The following TNNI3K variants were observed in gnomAD, a reference collection of about 807,000 sequenced individuals.
TNNI3K encodes TNNI3 interacting kinase.
TNNI3K carries 140 observed loss-of-function variants against 114.5 expected under a neutral mutation model. That is an observed-to-expected ratio of 1.22 (90% CI 1.07 to 1.41). The LOEUF (loss-of-function observed/expected upper bound fraction) is 1.41. TNNI3K is among the 40% of genes most tolerant of loss of function. The probability of loss-of-function intolerance (pLI) is 0.00; values close to 1 mark genes in which losing one functional copy is unlikely to be tolerated. For missense variants in TNNI3K, 1,125 were observed against 1,007.6 expected, an observed-to-expected ratio of 1.12 and a Z score of -1.58; for synonymous variants, 347 against 347.5, an observed-to-expected ratio of 1.00 and a Z score of 0.02.
At chr1:74,310,103 C>A (rs1436683845) in intron 5 of TNNI3K, among the ~76,000 whole-genome samples, 1 of 152,128 alleles carries the variant, frequency 6.6e-6, no homozygotes, top group Non-Finnish European at 1.5e-5. Context: ...TAAATGGCTT[C>A]AGTAAAGTTT....
intron 21 of TNNI3K, among the ~76,000 whole-genome samples, chr1:74,479,857 G>A (rs1249497788): frequency 6.6e-6 from 1 of 152,174 alleles, no homozygotes; most frequent in Non-Finnish European, 1.5e-5. Context: ...TTATACACAA[G>A]GAAACTAAAG....
At chr1:74,388,290 A>T (rs1415545245) in intron 17 of TNNI3K, among the ~76,000 whole-genome samples, 1 of 152,030 alleles carries the variant, frequency 6.6e-6, no homozygotes, top group Non-Finnish European at 1.5e-5. Context: ...AAAAAATAAT[A>T]ATAATTTTTT....
rs1032940877 is a variant in TNNI3K at position 74,481,014 on chromosome 1, G to T, written c.2122-8175G>T. Reference sequence around the variant, plus strand: ...ACTAGATGCAGGGTACACATGAGTGGGAGGGAGGGGGTATGGTGGAGAGCA... The same window carrying T: ...ACTAGATGCAGGGTACACATGAGTGTGAGGGAGGGGGTATGGTGGAGAGCA... On this transcript the variant is annotated intron_variant, in intron 21 of 24. Transcript: ENST00000326637. 4.5e-6 allele frequency: 3 copies of T among 661,228 alleles called. No individual in the cohort carries two copies. The African/African-American group carries it at 5.4e-5, about 12-fold the overall frequency. The allele number at this position is 661,228 out of a possible 1,614,324, so 41.0% of individuals were successfully genotyped here.
chr1:74,328,131 C>T (rs1660011433), intron 5 of TNNI3K, among the ~76,000 whole-genome samples: 1 of 151,932 alleles, frequency 6.6e-6, no homozygotes, highest in Admixed American at 6.6e-5. Flanking sequence ...TTTATATTAC[C>T]TTATGCCTGG....
intron 19 of TNNI3K, 137 bp from the exon 20 acceptor site, chr1:74,439,353 G>A (rs930182584): frequency 2.9e-6 from 4 of 1,374,224 alleles, no homozygotes; most frequent in African/African-American, 1.5e-5. Context: ...AGGGCAATAT[G>A]TATGGATGTT....
intron 19 of TNNI3K, among the ~76,000 whole-genome samples, chr1:74,437,851 G>A (rs1666205488): frequency 6.6e-6 from 1 of 151,572 alleles, no homozygotes. Context: ...GATTTTATTG[G>A]CCTAAGACTG....
intron 17 of TNNI3K, among the ~76,000 whole-genome samples, chr1:74,389,439 G>A (rs1357932031): frequency 6.6e-6 from 1 of 152,172 alleles, no homozygotes; most frequent in Non-Finnish European, 1.5e-5. Flanking sequence ...AGGAAACTGT[G>A]AAGAATATGG....
chr1:74,286,145 C>T (rs1487846441), intron 5 of TNNI3K, among the ~76,000 whole-genome samples: 1 of 152,168 alleles, frequency 6.6e-6, no homozygotes, highest in African/African-American at 2.4e-5. Flanking sequence ...AAAGCCTATG[C>T]AGTTCAGTAC....
chr1:74,470,680 A>G (rs778581556), intron 21 of TNNI3K: 13 of 400,352 alleles, frequency 3.2e-5, no homozygotes, highest in African/African-American at 2.7e-4. Flanking sequence ...ATTTTCCACA[A>G]TTTGATGTGA....
chr1:74,416,573 A>G (rs1262528830), intron 17 of TNNI3K: 17 of 985,014 alleles, frequency 1.7e-5, no homozygotes, highest in Non-Finnish European at 1.9e-5. Context: ...CCCTGATAAA[A>G]AGCAACAAAA....
chr1:74,506,332 G>A (rs1278239995), intron 23 of TNNI3K, among the ~76,000 whole-genome samples: 1 of 152,136 alleles, frequency 6.6e-6, no homozygotes. Flanking sequence ...CTACAAATGA[G>A]AAACTGAAGC....
intron 20 of TNNI3K, among the ~76,000 whole-genome samples, chr1:74,443,574 T>G (rs921611858): frequency 1.3e-5 from 2 of 152,124 alleles, no homozygotes; most frequent in Non-Finnish European, 2.9e-5. Flanking sequence ...GAATTCTACC[T>G]GAGGTACAAA....
intron 5 of TNNI3K, among the ~76,000 whole-genome samples, chr1:74,284,718 T>C (rs1262985271): frequency 6.6e-6 from 1 of 152,242 alleles, no homozygotes; most frequent in Non-Finnish European, 1.5e-5. Context: ...AACCCATTTA[T>C]GCCAGAGGTT....
Position 74,353,989 on chromosome 1 carries a change from CTGCT to C in TNNI3K, c.1042_1045del (p.Cys348ThrfsTer18), listed in dbSNP as rs759381840. 1 of 1,613,570 alleles carries C rather than the reference CTGCT, an allele frequency of 6.2e-7. No individual in the cohort carries two copies. Among genetic ancestry groups the C allele is most frequent in the Admixed American group, 1.7e-5 (1 of 59,920 alleles). ...TTCTTTTCTATTACAGGATTACACT[CTGCT>C]TGCTACCACGGTCACATTCGCCTGG... On this transcript the variant is annotated frameshift_variant, in exon 11 of 25. Coordinates refer to ENST00000326637, the MANE Select transcript of TNNI3K (RefSeq NM_015978.3). LOFTEE classifies it high-confidence loss of function.
chr1:74,328,733 A>C (rs1039308936), intron 5 of TNNI3K, among the ~76,000 whole-genome samples: 53 of 152,184 alleles, frequency 3.5e-4, no homozygotes, highest in Admixed American at 3.1e-3. Context: ...CTTAGGAGGA[A>C]AAAAAATGGC....
chr1:74,287,700 AAC>A (rs1159757531), intron 5 of TNNI3K, among the ~76,000 whole-genome samples: 1 of 152,168 alleles, frequency 6.6e-6, no homozygotes, highest in East Asian at 1.9e-4. Context: ...TGACCTCAAA[AAC>A]ACAAGAAACA....
intron 17 of TNNI3K, chr1:74,376,648 CAATT>C (rs796861476): frequency 6.6e-6 from 1 of 151,948 alleles, no homozygotes; most frequent in East Asian, 1.9e-4. Flanking sequence ...TGAAAAATGT[CAATT>C]AATTAAATAA....
At chr1:74,438,767 G>A (rs1286430659) in intron 19 of TNNI3K, among the ~76,000 whole-genome samples, 2 of 152,224 alleles carry the variant, frequency 1.3e-5, no homozygotes, top group South Asian at 2.1e-4. Context: ...TGAAAAGAAT[G>A]TAAATAATGT....
At chr1:74,308,095 T>C (rs1032335268) in intron 5 of TNNI3K, among the ~76,000 whole-genome samples, 15 of 151,892 alleles carry the variant, frequency 9.9e-5, no homozygotes, top group African/African-American at 3.6e-4. Flanking sequence ...GTAATTGCAT[T>C]AGACAGCTCA....
Sources: gnomAD v4.1 joint callset for allele counts (sites outside exome capture counted in the v4.1 genomes callset) on GRCh38, gnomAD v4.1.1 for gene constraint, MANE v1.5 for transcripts, NCBI Gene and HGNC (gene_info 2026-07-23, HGNC 2026-07-21) for gene names.